Variants in AP4M1 observed in about 807,000 individuals in gnomAD.
AP4M1 encodes adaptor related protein complex 4 subunit mu 1.
A neutral mutation model predicts 62.4 loss-of-function variants in AP4M1; 58 were observed. The observed-to-expected ratio is 0.93, with a 90% confidence interval of 0.75 to 1.16. AP4M1 has a LOEUF of 1.16. Among genes scored for constraint, AP4M1 ranks in the 50% most tolerant of loss-of-function variants. The pLI is 0.00. For synonymous variants in AP4M1, 290 were observed against 239.7 expected (o/e 1.21, Z -1.94); for missense variants, 626 against 585.4 (o/e 1.07, Z -0.72).
At chr7:100,103,586 G>A (rs778188914) in intron 5 of AP4M1, 26 bp from the exon 6 acceptor site, 3 of 1,614,118 alleles carry the variant, frequency 1.9e-6, no homozygotes, top group South Asian at 2.2e-5. Context: ...CAGACCTGAT[G>A]ATTGATTGCT....
chr7:100,102,064 T>G, intron 2 of AP4M1, 96 bp downstream of exon 2: 5 of 1,367,188 alleles, frequency 3.7e-6, no homozygotes, highest in South Asian at 3.6e-5. Context: ...AGATTCCACT[T>G]GGGGGGTGCA....
chr7:100,107,910 CCA>C lies in AP4M1; in HGVS notation c.*1031_*1032del. ...CCAGGCCCTCCAGATGCTCCCTGTC[CCA>C]CAGCTCTGCATACCTGCTGGGTGGA... On this transcript the variant is annotated 3_prime_UTR_variant, in exon 15 of 15. Coordinates refer to ENST00000359593, the MANE Select transcript of AP4M1 (RefSeq NM_004722.4). 6.3e-7 allele frequency: 1 copy of C among 1,592,198 alleles called. No individual in the cohort carries two copies. Among genetic ancestry groups the C allele is most frequent in the Non-Finnish European group, 8.6e-7 (1 of 1,166,852 alleles).
chr7:100,101,814 G>C, intron 1 of AP4M1, 42 bp downstream of exon 1: 1 of 1,609,760 alleles, frequency 6.2e-7, no homozygotes, highest in Non-Finnish European at 8.5e-7. Flanking sequence ...GGAGGGGCCG[G>C]GCGGGAGGGG....
chr7:100,104,242 G>A, intron 7 of AP4M1, 88 bp downstream of exon 7: 2 of 1,122,122 alleles, frequency 1.8e-6, no homozygotes, highest in Non-Finnish European at 2.7e-6. Context: ...CAACGGCCGG[G>A]CACAGTGGCT....
chr7:100,102,910 A>G lies in AP4M1; in HGVS notation c.301A>G (p.Thr101Ala), dbSNP rs762389685. ...TTACTGTGGCTCCCTGGGCGAGGGG[A>G]CCATCTCCCGCAATGTGGCTCTGGT... is the stretch of plus-strand genomic sequence containing the variant. ...GDYCGSLGEG[T>A]ISRNVALVYE... The change falls in exon 4 of 15, where the codon ACC becomes GCC. Residue 101 changes from threonine to alanine, a missense_variant. Coordinates refer to ENST00000359593, the MANE Select transcript of AP4M1 (RefSeq NM_004722.4). The G allele has an allele frequency of 6.2e-7, 1 of 1,613,926 alleles. No individual in the cohort carries two copies. Among genetic ancestry groups the G allele is most frequent in the South Asian group, 1.1e-5 (1 of 91,066 alleles).
At position 100,108,484 on chromosome 7, in the gene AP4M1, G is replaced by C; in HGVS notation, c.*1602G>C. On this transcript the variant is annotated 3_prime_UTR_variant, in exon 15 of 15. Transcript: ENST00000359593. ...CAAGGGACCCGAATTCTGCCCGATA[G>C]GCGTCCTGATTGTCAGGCGGTGGGC... 1 of 1,613,930 alleles carries C rather than the reference G, an allele frequency of 6.2e-7. No homozygotes were observed.
Position 100,107,458 on chromosome 7 carries a change from C to T in AP4M1, c.*576C>T, listed in dbSNP as rs376699937. ...TCCCCTGTTGGGGGAAGTGAGACCA[C>T]GATGTACTTCTGGACACTCCCAGGA... On this transcript the variant is annotated 3_prime_UTR_variant, in exon 15 of 15. Transcript: ENST00000359593. The T allele has an allele frequency of 8.7e-6, 14 of 1,612,922 alleles. No homozygotes were observed. Among genetic ancestry groups the T allele is most frequent in the African/African-American group, 2.7e-5 (2 of 75,028 alleles).
chr7:100,101,622 A>C, upstream of AP4M1: 6 of 1,330,578 alleles, frequency 4.5e-6, no homozygotes, highest in Non-Finnish European at 5.4e-6. Flanking sequence ...ATCGCTCTTA[A>C]AGGGCCAGCG....
In AP4M1 at chr7:100,107,419, G is replaced by A. The variant is rs2116691481; in HGVS notation, c.*537G>A. The stretch of plus-strand genomic sequence containing the variant: ...GGAACTGGAGAAGGATGGGAGGTGG[G>A]GCCTCCTTTGCCCTCCCCTGTTGGG... On this transcript the variant is annotated 3_prime_UTR_variant, in exon 15 of 15. Transcript: ENST00000359593. The A allele has an allele frequency of 1.2e-6, 2 of 1,608,626 alleles. No homozygotes were observed. Among genetic ancestry groups the A allele is most frequent in the African/African-American group, 1.3e-5 (1 of 74,902 alleles).
rs775602399 is a variant in AP4M1, at chr7:100,105,516, G to A, written c.906G>A (p.Val302=). 1.9e-6 allele frequency: 3 copies of A among 1,613,718 alleles called. No individual in the cohort carries two copies. The South Asian group carries it at 3.3e-5, about 18-fold the overall frequency. Reference sequence around the variant, plus strand: ...TCCCCTTCCGGCTCTTCCCCTCTGTGCAGTGGGACCGAGGCTCAGGCCGGT... The same window carrying A: ...TCCCCTTCCGGCTCTTCCCCTCTGTACAGTGGGACCGAGGCTCAGGCCGGT... The part of the protein sequence containing the change: ...SPLPFRLFPS[V]QWDRGSGRLQ... The change falls in exon 11 of 15, where the codon GTG becomes GTA. Residue 302 remains valine (V), a synonymous_variant. Transcript: ENST00000359593.
At chr7:100,100,923 A>G (rs1480253082), upstream of AP4M1, 4 of 1,043,476 alleles carry the variant, frequency 3.8e-6, no homozygotes, top group Non-Finnish European at 4.7e-6. Flanking sequence ...CGCGAAGGAA[A>G]GCGGGCACGG....
rs776854183 is a variant in AP4M1 at position 100,102,977 on chromosome 7, C to T, written c.351+17C>T. ...GAAGTGCTGGTGAGAATCAACAATC[C>T]CCTTCTGTGGCCCCTACCCAATTCC... On this transcript the variant is annotated intron_variant, in intron 4 of 14. Transcript: ENST00000359593. 2.5e-6 allele frequency: 4 copies of T among 1,607,640 alleles called. No homozygotes were observed. The Admixed American group carries it at 5.0e-5, about 20-fold the overall frequency.
intron 6 of AP4M1, 145 bp from the exon 7 acceptor site, chr7:100,103,947 G>A (rs1285414889): frequency 1.3e-6 from 1 of 785,794 alleles, no homozygotes; most frequent in Non-Finnish European, 2.2e-6. Flanking sequence ...CCAGATGTGG[G>A]TGGAGGTGGG....
intron 7 of AP4M1, 21 bp downstream of exon 7, chr7:100,104,175 C>T: frequency 1.9e-6 from 3 of 1,608,770 alleles, no homozygotes; most frequent in Non-Finnish European, 2.6e-6. Flanking sequence ...GCTCCCAAAC[C>T]TGGAGCTGAG....
chr7:100,104,821 T>C, intron 7 of AP4M1, 53 bp from the exon 8 acceptor site: 1 of 1,604,340 alleles, frequency 6.2e-7, no homozygotes, highest in Non-Finnish European at 8.5e-7. Context: ...AGCGAGACCG[T>C]CTCAAAAAAA....
chr7:100,102,544 GTCATGTATCT>G (rs1796137772), intron 2 of AP4M1, 121 bp from the exon 3 acceptor site: 2 of 773,778 alleles, frequency 2.6e-6, no homozygotes, highest in African/African-American at 3.4e-5. Context: ...CCAGGCATAT[GTCATGTATCT>G]CCCAAAGGCA....
At chr7:100,103,017 T>C (rs1796183886) in intron 4 of AP4M1, 57 bp downstream of exon 4, 1 of 1,424,646 alleles carries the variant, frequency 7.0e-7, no homozygotes, top group Non-Finnish European at 9.9e-7. Flanking sequence ...AAGATACATC[T>C]GCTCTTCTAC....
intron 7 of AP4M1, 117 bp from the exon 8 acceptor site, chr7:100,104,757 G>A: frequency 1.8e-6 from 2 of 1,086,190 alleles, no homozygotes; most frequent in Non-Finnish European, 2.8e-6. Context: ...CTTGAACCTG[G>A]GAGGTGGAGG....
intron 7 of AP4M1, 81 bp downstream of exon 7, chr7:100,104,235 C>A: frequency 1.7e-6 from 2 of 1,201,214 alleles, no homozygotes; most frequent in South Asian, 1.2e-5. Context: ...CTCCCAGCAA[C>A]GGCCGGGCAC....
Sources: allele counts gnomAD v4.1 joint callset, GRCh38; gene constraint gnomAD v4.1.1; transcripts MANE v1.5; gene names NCBI Gene and HGNC (gene_info 2026-07-23, HGNC 2026-07-21).